The following ERC2 variants were observed in gnomAD, a reference collection of about 807,000 sequenced individuals.
The protein encoded by ERC2 is ERC protein 2.
In ERC2, 42 loss-of-function variants were observed where a neutral mutation model predicts 114.8. That is an observed-to-expected ratio of 0.37 (90% CI 0.29 to 0.47). The LOEUF is 0.47. ERC2 is among the 20% of genes least tolerant of loss of function. The pLI is 0.99. For missense variants in ERC2, 939 were observed against 1,150.7 expected, an observed-to-expected ratio of 0.82 and a Z score of 2.66; for synonymous variants, 454 against 425.5, an observed-to-expected ratio of 1.07 and a Z score of -0.82.
chr3:56,119,939 G>C (rs2079477017), intron 6 of ERC2, among the ~76,000 whole-genome samples: 2 of 152,150 alleles, frequency 1.3e-5, no homozygotes, highest in Admixed American at 1.3e-4. Flanking sequence ...GGAAATAAAA[G>C]TACCAAAGAA....
intron 14 of ERC2, among the ~76,000 whole-genome samples, chr3:55,869,363 C>T (rs754591476): frequency 2.0e-5 from 3 of 151,818 alleles, no homozygotes; most frequent in Non-Finnish European, 2.9e-5. Flanking sequence ...TTGGAACCTC[C>T]TCTCCTCCCC....
chr3:55,915,303 A>G (rs907098336), intron 13 of ERC2, among the ~76,000 whole-genome samples: 1 of 152,188 alleles, frequency 6.6e-6, no homozygotes, highest in African/African-American at 2.4e-5. Context: ...GTTGGCTTAC[A>G]GAAGACGTTT....
chr3:55,658,235 C>G (rs1423024173), intron 17 of ERC2: 1 of 152,228 alleles, frequency 6.6e-6, no homozygotes, highest in Admixed American at 6.5e-5. Context: ...ACTTCATTTT[C>G]AGGTAGGGTT....
At chr3:55,574,645 G>C (rs1310672890) in intron 17 of ERC2, among the ~76,000 whole-genome samples, 2 of 152,176 alleles carry the variant, frequency 1.3e-5, no homozygotes, top group African/African-American at 4.8e-5. Flanking sequence ...TTGAGGACAA[G>C]AGTCTTGTAG....
intron 17 of ERC2, among the ~76,000 whole-genome samples, chr3:55,557,030 A>T (rs2055661397): frequency 6.6e-6 from 1 of 152,224 alleles, no homozygotes; most frequent in Non-Finnish European, 1.5e-5. Context: ...TTTAGGAGAG[A>T]TGAGACATGA....
chr3:56,450,871 C>T (rs969312192), intron 1 of ERC2, among the ~76,000 whole-genome samples: 1 of 151,826 alleles, frequency 6.6e-6, no homozygotes, highest in African/African-American at 2.4e-5. Context: ...AAATCCCAAA[C>T]AATAAACAGT....
chr3:56,367,150 A>G (rs1227169727), intron 2 of ERC2, among the ~76,000 whole-genome samples: 1 of 152,020 alleles, frequency 6.6e-6, no homozygotes, highest in Non-Finnish European at 1.5e-5. Flanking sequence ...ACCTCATTTC[A>G]TCAATGTCAT....
At chr3:56,238,198 C>T (rs1045611873) in intron 3 of ERC2, among the ~76,000 whole-genome samples, 1 of 152,200 alleles carries the variant, frequency 6.6e-6, no homozygotes, top group Non-Finnish European at 1.5e-5. Context: ...CTCACCTGAA[C>T]TTGGACTCCA....
At chr3:55,670,044 A>G (rs2061498969) in intron 17 of ERC2, among the ~76,000 whole-genome samples, 1 of 152,242 alleles carries the variant, frequency 6.6e-6, no homozygotes, top group African/African-American at 2.4e-5. Context: ...ACTATGTACT[A>G]GCACTGAGCT....
chr3:56,181,383 T>C (rs1049564557), intron 3 of ERC2, among the ~76,000 whole-genome samples: 1 of 152,248 alleles, frequency 6.6e-6, no homozygotes, highest in African/African-American at 2.4e-5. Flanking sequence ...GGAACGCTGC[T>C]ATGCACATTG....
At chr3:55,767,091 A>C (rs932864248) in intron 14 of ERC2, among the ~76,000 whole-genome samples, 1 of 152,228 alleles carries the variant, frequency 6.6e-6, no homozygotes, top group Admixed American at 6.5e-5. Context: ...GAACAAAACT[A>C]GGCAAAGGTC....
intron 14 of ERC2, among the ~76,000 whole-genome samples, chr3:55,777,111 C>CA (rs1226710136): frequency 6.6e-6 from 1 of 152,220 alleles, no homozygotes; most frequent in Admixed American, 6.5e-5. Context: ...TCTGGCATCT[C>CA]AAAAAGGAAC....
At chr3:55,723,489 GA>G (rs1002407273) in intron 15 of ERC2, among the ~76,000 whole-genome samples, 2 of 151,194 alleles carry the variant, frequency 1.3e-5, no homozygotes, top group African/African-American at 2.4e-5. Context: ...GGGTAACATT[GA>G]AAAAAAACAA....
intron 3 of ERC2, among the ~76,000 whole-genome samples, chr3:56,187,896 C>T (rs2083725079): frequency 1.3e-5 from 2 of 152,136 alleles, no homozygotes; most frequent in South Asian, 2.1e-4. Flanking sequence ...TATCATCCCA[C>T]TCTAACTTTA....
chr3:56,377,020 T>C (rs2059571906), intron 2 of ERC2, among the ~76,000 whole-genome samples: 1 of 152,192 alleles, frequency 6.6e-6, no homozygotes, highest in African/African-American at 2.4e-5. Flanking sequence ...AGTATCCTGA[T>C]GCACCTCCCC....
At chr3:55,556,872 A>G (rs1053675383) in intron 17 of ERC2, among the ~76,000 whole-genome samples, 1 of 152,180 alleles carries the variant, frequency 6.6e-6, no homozygotes, top group African/African-American at 2.4e-5. Flanking sequence ...GAGTTGAAAA[A>G]GGGAAGAGCT....
intron 14 of ERC2, among the ~76,000 whole-genome samples, chr3:55,801,550 C>T (rs1559677969): frequency 6.7e-6 from 1 of 148,864 alleles, no homozygotes; most frequent in Non-Finnish European, 1.5e-5. Context: ...CTTGCAGGAC[C>T]AATTTCCTTA....
intron 3 of ERC2, among the ~76,000 whole-genome samples, chr3:56,276,135 T>A (rs2053973531): frequency 6.6e-6 from 1 of 152,178 alleles, no homozygotes; most frequent in African/African-American, 2.4e-5. Flanking sequence ...GAAGTTTAAT[T>A]TCCTCACAAA....
chr3:56,178,757 T>A (rs532460543), intron 3 of ERC2, among the ~76,000 whole-genome samples: 4 of 152,278 alleles, frequency 2.6e-5, no homozygotes, highest in Admixed American at 1.3e-4. Context: ...TGTTTTTTTT[T>A]AAATTCCAGA....
Sources: gnomAD v4.1 joint callset for allele counts (sites outside exome capture counted in the v4.1 genomes callset) on GRCh38, gnomAD v4.1.1 for gene constraint, MANE v1.5 for transcripts, NCBI Gene and HGNC (gene_info 2026-07-23, HGNC 2026-07-21) for gene names.